CSMD1: variants seen among roughly 807,000 people sequenced by gnomAD.
CSMD1 encodes CUB and sushi domain-containing protein 1.
A neutral mutation model predicts 417.5 loss-of-function variants in CSMD1; 213 were observed. The ratio of observed to expected loss-of-function variants is 0.51; its 90% confidence interval spans 0.46 to 0.57. CSMD1 has a LOEUF of 0.57. CSMD1 is among the 20% of genes least tolerant of loss of function. CSMD1 has a pLI of 0.00. For missense variants in CSMD1, 6,923 were observed against 4,529.7 expected (o/e 1.53, Z -15.17); for synonymous variants, 2,862 against 1,736.8 (o/e 1.65, Z -16.11).
intron 3 of CSMD1, among the ~76,000 whole-genome samples, chr8:4,204,052 G>A (rs776316922): frequency 1.3e-5 from 2 of 152,154 alleles, no homozygotes; most frequent in African/African-American, 4.8e-5. Context: ...GGTGAGCTGA[G>A]ATTGTGCCAC....
rs182695317 is a variant in CSMD1 at position 4,584,665 on chromosome 8, G to A, written c.302+52677C>T. On this transcript the variant is annotated intron_variant, in intron 2 of 69. Transcript: ENST00000635120. ...GTTGGTTGACCCTGTGGCCATGACCGGAACTCTCAAAAGCATGTCGCCCAA... is the reference window on the plus strand; with the variant it reads ...GTTGGTTGACCCTGTGGCCATGACCAGAACTCTCAAAAGCATGTCGCCCAA... Among the ~76,000 whole-genome samples the A allele has an allele frequency of 8.7e-4, 133 of 152,140 alleles. 2 individuals are homozygous for A. Among genetic ancestry groups the A allele is most frequent in the Admixed American group, 5.2e-3 (80 of 15,274 alleles).
chr8:3,059,050 G>A (rs1002858634), intron 49 of CSMD1, among the ~76,000 whole-genome samples: 6 of 151,690 alleles, frequency 4.0e-5, no homozygotes, highest in African/African-American at 1.5e-4. Context: ...CTAACCCTGC[G>A]CTAAAGTGAG....
At position 3,286,323 on chromosome 8, in the gene CSMD1, A is replaced by G. The variant is rs535347830; in HGVS notation, c.3951-1977T>C. On this transcript the variant is annotated intron_variant, in intron 25 of 69. Coordinates refer to ENST00000635120, the MANE Select transcript of CSMD1 (RefSeq NM_033225.6). ...TGTCTTTATAGCAGCATGATTTATA[A>G]TCCTTTGGGTATATACCCAGTAATG... 2.9e-4 allele frequency among the ~76,000 whole-genome samples: 44 copies of G among 152,208 alleles called. No individual in the cohort carries two copies. In the East Asian group the frequency reaches 4.5e-3, roughly 15 times the overall value.
intron 10 of CSMD1, among the ~76,000 whole-genome samples, chr8:3,533,446 C>T (rs959328559): frequency 3.9e-5 from 6 of 152,158 alleles, no homozygotes; most frequent in Admixed American, 3.3e-4. Context: ...ATGAGTTTAA[C>T]TCCTTTAGAT....
intron 3 of CSMD1, among the ~76,000 whole-genome samples, chr8:4,079,235 G>C (rs1312231808): frequency 6.6e-6 from 1 of 152,140 alleles, no homozygotes; most frequent in South Asian, 2.1e-4. Context: ...ACAACTGAAT[G>C]AGTAGATATA....
At position 3,919,589 on chromosome 8, in the gene CSMD1, C is replaced by G. The variant is rs147865780; in HGVS notation, c.818+78314G>C. On this transcript the variant is annotated intron_variant, in intron 5 of 69. Coordinates refer to ENST00000635120, the MANE Select transcript of CSMD1 (RefSeq NM_033225.6). Reference sequence around the variant, plus strand: ...ATGTGATGCCTTCAGCTGTGTTATTCTTGCTCAAGATTGCTTTGGTTATCT... The same window carrying G: ...ATGTGATGCCTTCAGCTGTGTTATTGTTGCTCAAGATTGCTTTGGTTATCT... Among the ~76,000 whole-genome samples, 9 of 152,146 alleles carry G rather than the reference C, an allele frequency of 5.9e-5. No homozygotes were observed. In the East Asian group the frequency reaches 1.5e-3, roughly 26 times the overall value.
At chr8:4,938,432 C>A (rs951205253) in intron 1 of CSMD1, among the ~76,000 whole-genome samples, 1 of 152,150 alleles carries the variant, frequency 6.6e-6, no homozygotes, top group Non-Finnish European at 1.5e-5. Flanking sequence ...GTGGCATATG[C>A]ATACTCACTT....
chr8:3,482,738 G>C (rs916631039), intron 11 of CSMD1, among the ~76,000 whole-genome samples: 1 of 152,092 alleles, frequency 6.6e-6, no homozygotes, highest in Non-Finnish European at 1.5e-5. Context: ...CCAGATAATA[G>C]ATCTTGACAT....
intron 10 of CSMD1, among the ~76,000 whole-genome samples, chr8:3,556,339 A>C (rs541416819): frequency 1.4e-5 from 2 of 145,692 alleles, no homozygotes; most frequent in South Asian, 4.4e-4. Context: ...CCATGAGTTC[A>C]ATTGATTTTA....
chr8:3,301,773 T>G (rs1804427236), intron 25 of CSMD1, among the ~76,000 whole-genome samples: 1 of 151,992 alleles, frequency 6.6e-6, no homozygotes, highest in African/African-American at 2.4e-5. Flanking sequence ...CAACGTACAG[T>G]GAGGGTATTT....
chr8:4,274,138 C>T (rs1157935676), intron 3 of CSMD1, among the ~76,000 whole-genome samples: 1 of 152,088 alleles, frequency 6.6e-6, no homozygotes, highest in Non-Finnish European at 1.5e-5. Context: ...TTAGAAGTGA[C>T]TCTAATACTC....
chr8:4,093,569 T>C (rs1800830739), intron 3 of CSMD1, among the ~76,000 whole-genome samples: 1 of 152,154 alleles, frequency 6.6e-6, no homozygotes, highest in African/African-American at 2.4e-5. Flanking sequence ...AACACCACAT[T>C]GAAAAAAAGT....
intron 1 of CSMD1, among the ~76,000 whole-genome samples, chr8:4,952,040 A>C (rs545911341): frequency 6.6e-6 from 1 of 151,486 alleles, no homozygotes; most frequent in South Asian, 2.1e-4. Flanking sequence ...ATATATATAC[A>C]CAAAATATAT....
At chr8:3,426,749 A>G (rs1813866130) in intron 12 of CSMD1, among the ~76,000 whole-genome samples, 1 of 152,252 alleles carries the variant, frequency 6.6e-6, no homozygotes, top group South Asian at 2.1e-4. Flanking sequence ...TGTAGGCCTG[A>G]CATAAACTAA....
At chr8:3,529,562 A>G (rs1412373868) in intron 10 of CSMD1, among the ~76,000 whole-genome samples, 1 of 152,210 alleles carries the variant, frequency 6.6e-6, no homozygotes, top group Non-Finnish European at 1.5e-5. Flanking sequence ...CCAAGACCAC[A>G]CAATGGAAGA....
intron 1 of CSMD1, among the ~76,000 whole-genome samples, chr8:4,919,887 G>T (rs1585328499): frequency 6.6e-6 from 1 of 152,024 alleles, no homozygotes; most frequent in South Asian, 2.1e-4. Context: ...CCTCCAGAGG[G>T]TGCAGCAACA....
At chr8:3,820,965 G>A (rs562108340) in intron 5 of CSMD1, among the ~76,000 whole-genome samples, 17 of 151,968 alleles carry the variant, frequency 1.1e-4, no homozygotes, top group Admixed American at 3.3e-4. Context: ...TGCCCAAGCT[G>A]GAGTGCAATG....
intron 3 of CSMD1, among the ~76,000 whole-genome samples, chr8:4,153,707 C>T (rs182691648): frequency 4.7e-4 from 71 of 152,300 alleles, no homozygotes; most frequent in African/African-American, 1.7e-3. Flanking sequence ...CCGGCAGTCC[C>T]ACAGATATAA....
intron 5 of CSMD1, among the ~76,000 whole-genome samples, chr8:3,898,303 T>C (rs1463773450): frequency 6.6e-6 from 1 of 152,138 alleles, no homozygotes; most frequent in African/African-American, 2.4e-5. Context: ...ATTTGAACAA[T>C]TCAAGGACAA....
Sources: gnomAD v4.1 joint callset for allele counts (sites outside exome capture counted in the v4.1 genomes callset) on GRCh38, gnomAD v4.1.1 for gene constraint, MANE v1.5 for transcripts, NCBI Gene and HGNC (gene_info 2026-07-23, HGNC 2026-07-21) for gene names.